SLC19A1: variants seen among roughly 807,000 people sequenced by gnomAD.
SLC19A1 encodes the protein reduced folate transporter.
Under a neutral mutation model 35.3 loss-of-function variants are expected in SLC19A1, and 37 were observed. The ratio of observed to expected loss-of-function variants is 1.05; its 90% CI spans 0.81 to 1.38. The LOEUF (loss-of-function observed/expected upper bound fraction) is 1.38, where lower values mean the gene tolerates loss of function less well. Among genes scored for constraint, SLC19A1 ranks in the 40% most tolerant of loss-of-function variants. The probability of loss-of-function intolerance (pLI) is 0.00; values close to 1 mark genes in which losing one functional copy is unlikely to be tolerated. For missense variants in SLC19A1, 831 were observed against 826.9 expected, an observed-to-expected ratio of 1.00 and a Z score of -0.06; for synonymous variants, 460 against 398.5, an observed-to-expected ratio of 1.15 and a Z score of -1.84.
At chr21:45,506,336 C>T in intron 3 of SLC19A1, 3 of 359,592 alleles carry the variant, frequency 8.3e-6, no homozygotes, top group East Asian at 7.1e-5. Flanking sequence ...GTGACGTCCA[C>T]AGCACGGCCC....
rs371578518 is a variant in SLC19A1, at chr21:45,505,463, C to T, written c.498-6851G>A. 6.9e-5 allele frequency: 80 copies of T among 1,167,842 alleles called. 1 individual carries two copies. Among genetic ancestry groups the T allele is most frequent in the South Asian group, 9.0e-5 (7 of 77,590 alleles). The allele number at this position is 1,167,842 out of a possible 1,614,324, so 72.3% of individuals were successfully genotyped here. ...GTCTGGGCAGCCGGCTGGGCACCTG[C>T]GTCCCGTGCCCTGGCTGGTTCTGCA... is the stretch of plus-strand genomic sequence containing the variant. On this transcript the variant is annotated intron_variant, in intron 3 of 4. Transcript: ENST00000417954.
intron 5 of SLC19A1, among the ~76,000 whole-genome samples, chr21:45,519,517 T>C (rs2077373782): frequency 8.9e-6 from 1 of 112,790 alleles, no homozygotes; most frequent in Admixed American, 1.3e-4. Context: ...TGAACATTAA[T>C]CAAAGGAAAG....
intron 1 of SLC19A1, among the ~76,000 whole-genome samples, chr21:45,552,361 T>G (rs2078474343): frequency 6.6e-6 from 1 of 151,990 alleles, no homozygotes; most frequent in African/African-American, 2.4e-5. Flanking sequence ...AAAACTGCCC[T>G]CCTGTCCACT....
intron 1 of SLC19A1, among the ~76,000 whole-genome samples, chr21:45,560,026 G>C (rs886307005): frequency 6.6e-6 from 1 of 152,206 alleles, no homozygotes; most frequent in Non-Finnish European, 1.5e-5. Flanking sequence ...TTACTCTGCA[G>C]AAGGCAGCAC....
rs1359211322 is a variant in SLC19A1 at position 45,515,800 on chromosome 21, G to A, written c.1634C>T (p.Pro545Leu). ...GGCTTGGGCGGAGCACAGAGTGCAGGGGGAAGGGGTTGTCACTGGGCTCAG... is the reference window on the plus strand; with the variant it reads ...GGCTTGGGCGGAGCACAGAGTGCAGAGGGAAGGGGTTGTCACTGGGCTCAG... Reference protein sequence around the residue: ...EFLSPVTTPSPCTLCSAQASG... With the variant: ...EFLSPVTTPSLCTLCSAQASG... The change falls in exon 6 of 6, where the codon CCC becomes CTC. Residue 545 changes from proline to leucine, a missense_variant. Pro to Leu is a moderately conservative substitution (Grantham distance 98, BLOSUM62 -3). Transcript: ENST00000311124. 3 of 1,612,552 alleles carry A rather than the reference G, an allele frequency of 1.9e-6. No individual in the cohort carries two copies. Among genetic ancestry groups the A allele is most frequent in the Non-Finnish European group, 2.5e-6 (3 of 1,179,250 alleles).
chr21:45,531,313 G>A, intron 3 of SLC19A1, 76 bp downstream of exon 3: 4 of 1,514,116 alleles, frequency 2.6e-6, no homozygotes, highest in Admixed American at 2.2e-5. Context: ...GCCTCCGGGG[G>A]AAGGATCCAC....
chr21:45,512,332 C>A (rs746879124), downstream of SLC19A1: 1 of 1,612,482 alleles, frequency 6.2e-7, no homozygotes, highest in African/African-American at 1.3e-5. Context: ...GGCAGAGTGC[C>A]GCGAGCTGCC....
chr21:45,505,096 C>T (rs371061838), intron 3 of SLC19A1: 81 of 1,598,746 alleles, frequency 5.1e-5, no homozygotes, highest in African/African-American at 2.0e-4. Context: ...GTCCAGGGCA[C>T]GAGGTAACCA....
intron 4 of SLC19A1, among the ~76,000 whole-genome samples, chr21:45,527,138 G>C (rs2077648534): frequency 6.6e-6 from 1 of 151,880 alleles, no homozygotes. Context: ...GCCAGGCAGG[G>C]CAGGCCCTGG....
At chr21:45,549,083 A>T (rs1003835681), upstream of SLC19A1, among the ~76,000 whole-genome samples, 1 of 152,258 alleles carries the variant, frequency 6.6e-6, no homozygotes, top group Admixed American at 6.5e-5. Context: ...GCCCATGCAC[A>T]GGGGTTGTAC....
At chr21:45,532,360 G>C (rs2077962631) in intron 2 of SLC19A1, among the ~76,000 whole-genome samples, 1 of 152,236 alleles carries the variant, frequency 6.6e-6, no homozygotes, top group Admixed American at 6.5e-5. Context: ...CAGCCTGGGA[G>C]CGTTCGCCTG....
chr21:45,516,282 C>T (rs1463937106), intron 5 of SLC19A1, 142 bp from the exon 6 acceptor site: 14 of 660,582 alleles, frequency 2.1e-5, no homozygotes, highest in Non-Finnish European at 2.6e-5. Context: ...AGAGGCCAGC[C>T]CCAGGAGCAG....
chr21:45,539,332 G>C (rs535793084), intron 1 of SLC19A1, among the ~76,000 whole-genome samples: 2 of 152,228 alleles, frequency 1.3e-5, no homozygotes, highest in Non-Finnish European at 2.9e-5. Flanking sequence ...GGGATGCAGC[G>C]CATGCAGAGG....
rs886277401 is a variant in SLC19A1, at chr21:45,534,349, G to A, written c.190-2201C>T. Among the ~76,000 whole-genome samples the A allele has an allele frequency of 6.6e-6, 1 of 152,094 alleles. No homozygotes were observed. Among genetic ancestry groups the A allele is most frequent in the Admixed American group, 6.5e-5 (1 of 15,282 alleles). ...GGCTCAGAGGCAGGGGTCCTCCTAGGACCTCAGGGACCCCCGACCCCCAGA... is the reference window on the plus strand; with the variant it reads ...GGCTCAGAGGCAGGGGTCCTCCTAGAACCTCAGGGACCCCCGACCCCCAGA... On this transcript the variant is annotated intron_variant, in intron 2 of 5. Coordinates refer to ENST00000311124, the MANE Select transcript of SLC19A1 (RefSeq NM_194255.4). This position sits in a 1 kb window ranked among gnomAD's most constrained non-coding sequence, Gnocchi z 4.2.
At chr21:45,507,118 G>A in intron 3 of SLC19A1, 1 of 204,548 alleles carries the variant, frequency 4.9e-6, no homozygotes, top group East Asian at 1.3e-4. Flanking sequence ...GGAGGGCTGG[G>A]TGCTGGGCAG....
intron 3 of SLC19A1, among the ~76,000 whole-genome samples, chr21:45,503,183 A>C (rs1357397556): frequency 6.6e-6 from 1 of 152,148 alleles, no homozygotes; most frequent in Admixed American, 6.5e-5. Flanking sequence ...TTACAGTCCC[A>C]CCAACAGTGT....
rs1187568659 is a variant in SLC19A1 at position 45,537,344 on chromosome 21, A to T, written c.189+427T>A. ...GCTGACACGGCCACTCACCCGCTCC[A>T]GCCTCAAGTGCTCACACATCCAACA... On this transcript the variant is annotated intron_variant, in intron 2 of 5. Coordinates refer to ENST00000311124, the MANE Select transcript of SLC19A1 (RefSeq NM_194255.4). Among the ~76,000 whole-genome samples the T allele has an allele frequency of 3.9e-5, 6 of 152,328 alleles. No homozygotes were observed. In the East Asian group the frequency reaches 1.2e-3, roughly 29 times the overall value.
intron 1 of SLC19A1, among the ~76,000 whole-genome samples, chr21:45,541,394 G>A (rs981633180): frequency 6.6e-5 from 10 of 152,248 alleles, no homozygotes; most frequent in African/African-American, 1.9e-4. Context: ...TCGGGTCTCC[G>A]TAGGGGGAGG....
chr21:45,527,437 T>A (rs1367398028), intron 4 of SLC19A1, among the ~76,000 whole-genome samples: 1 of 83,670 alleles, frequency 1.2e-5, no homozygotes, highest in African/African-American at 4.8e-5. Flanking sequence ...GGGTGGGCCC[T>A]GGAGGTGAGT....
Sources: allele counts gnomAD v4.1 joint callset (sites outside exome capture counted in the v4.1 genomes callset), GRCh38; gene constraint gnomAD v4.1.1; non-coding constraint Gnocchi (gnomAD v3.1); transcripts MANE v1.5; gene names NCBI Gene and HGNC (gene_info 2026-07-23, HGNC 2026-07-21).